RGPD3: variants seen among roughly 807,000 people sequenced by gnomAD.
The protein encoded by RGPD3 is RANBP2 like and GRIP domain containing 3.
A neutral mutation model predicts 154.5 loss-of-function variants in RGPD3; 62 were observed. That is an observed-to-expected ratio of 0.40 (90% CI 0.33 to 0.50). The LOEUF is 0.50. RGPD3 is among the 20% of genes least tolerant of loss of function. RGPD3 has a pLI of 0.59. For missense variants in RGPD3, 919 were observed against 1,716.8 expected (o/e 0.54, Z 8.21); for synonymous variants, 308 against 607.0 (o/e 0.51, Z 7.24).
rs1186986549 is a variant in RGPD3, at chr2:106,413,289, G to A, written c.5065-4C>T. 4 of 1,611,754 alleles carry A rather than the reference G, an allele frequency of 2.5e-6. No individual in the cohort carries two copies. Among genetic ancestry groups the A allele is most frequent in the Non-Finnish European group, 2.5e-6 (3 of 1,179,810 alleles). ...TTCTTATTTCACTTTTGAGAAGCTG[G>A]TGTTAGAGAAATGAGTTAAAAATGG... On this transcript the variant is annotated splice_region_variant and splice_polypyrimidine_tract_variant and intron_variant, in intron 21 of 22. Transcript: ENST00000409886.
chr2:106,422,553 T>C (rs1677029052), intron 20 of RGPD3, among the ~76,000 whole-genome samples: 1 of 152,000 alleles, frequency 6.6e-6, no homozygotes, highest in Admixed American at 6.6e-5. Context: ...GGCTCATTTT[T>C]GTATTTTCAG....
chr2:106,461,334 G>T (rs1343540485), intron 1 of RGPD3, among the ~76,000 whole-genome samples: 1 of 149,106 alleles, frequency 6.7e-6, no homozygotes, highest in African/African-American at 2.5e-5. Flanking sequence ...ATAAAATAAG[G>T]GTTACTTGAA....
chr2:106,420,306 A>G (rs1412744179), intron 20 of RGPD3, among the ~76,000 whole-genome samples: 1 of 150,408 alleles, frequency 6.6e-6, no homozygotes, highest in Non-Finnish European at 1.5e-5. Context: ...GCTGAAAACA[A>G]CCCATCCCCA....
chr2:106,408,871 A>T (rs1230227208), intron 22 of RGPD3, among the ~76,000 whole-genome samples: 1 of 151,356 alleles, frequency 6.6e-6, no homozygotes, highest in Non-Finnish European at 1.5e-5. Context: ...ATTTTTGTAG[A>T]CATAGGGTCT....
intron 17 of RGPD3, among the ~76,000 whole-genome samples, chr2:106,430,304 T>C (rs911278769): frequency 6.7e-6 from 1 of 150,236 alleles, no homozygotes. Context: ...AATACAAAAC[T>C]TAATTCATTA....
chr2:106,457,205 A>G (rs1558860113), intron 3 of RGPD3, 82 bp from the exon 4 acceptor site: 1 of 1,517,876 alleles, frequency 6.6e-7, no homozygotes, highest in Non-Finnish European at 8.8e-7. Context: ...ATACTTATAT[A>G]TAAAGGTTAA....
intron 1 of RGPD3, among the ~76,000 whole-genome samples, chr2:106,463,318 T>C (rs1407092130): frequency 3.3e-5 from 5 of 152,186 alleles, no homozygotes; most frequent in African/African-American, 1.2e-4. Context: ...CTACTAAAAA[T>C]AGAAAAAATT....
Position 106,423,791 on chromosome 2 carries a change from G to T in RGPD3, c.4176C>A (p.His1392Gln), listed in dbSNP as rs540818706. Residue 1392 changes from histidine (H) to glutamine (Q), a missense_variant, in exon 20 of 23, where the codon CAC becomes CAA. Physicochemically the swap from His to Gln is conservative, Grantham distance 24. Coordinates refer to ENST00000409886, the MANE Select transcript of RGPD3 (RefSeq NM_001144013.2). ...GGTCCCTTCTCATCAGTATACGAACGTGCTTATTATCATAATTCTGTAAAA... is the reference window on the plus strand; with the variant it reads ...GGTCCCTTCTCATCAGTATACGAACTTGCTTATTATCATAATTCTGTAAAA... ...IKILQNYDNK[H>Q]VRILMRRDQV... 42 of 1,611,894 alleles carry T rather than the reference G, an allele frequency of 2.6e-5. 1 individual carries two copies. Among genetic ancestry groups the T allele is most frequent in the East Asian group, 8.9e-5 (4 of 44,874 alleles).
rs1326153826 is a variant in RGPD3, at chr2:106,432,414, C to T, written c.2469+521G>A. Among the ~76,000 whole-genome samples the T allele has an allele frequency of 5.1e-4, 75 of 146,820 alleles. 9 individuals carry two copies. Among genetic ancestry groups the T allele is most frequent in the East Asian group, 2.4e-3 (12 of 4,920 alleles). ...GTTGCAGTGAGCCAAGATTGCACCA[C>T]TGCACTCCAGCCTGGGCAACAGAGC... On this transcript the variant is annotated intron_variant, in intron 17 of 22. Transcript: ENST00000409886.
rs370625902 is a variant in RGPD3 at position 106,449,740 on chromosome 2, G to A, written c.783-2127C>T. 1.1e-4 allele frequency among the ~76,000 whole-genome samples: 16 copies of A among 151,616 alleles called. No homozygotes were observed. The East Asian group carries it at 1.2e-3, about 11-fold the overall frequency. ...AGAGGTCAAGAGATCGAGACCAGCC[G>A]GGCGCGGTGGCTCATGCCTGTAATC... On this transcript the variant is annotated intron_variant, in intron 6 of 22. Transcript: ENST00000409886.
Position 106,438,800 on chromosome 2 carries a change from C to CA in RGPD3, c.1276+167dup, listed in dbSNP as rs1373129017. Among the ~76,000 whole-genome samples, 13 of 133,620 alleles carry CA rather than the reference C, an allele frequency of 9.7e-5. No homozygotes were observed. In the East Asian group the frequency reaches 2.8e-3, roughly 28 times the overall value. The allele number at this position is 133,620 out of a possible 152,430, so 87.7% of individuals were successfully genotyped here. A position where few individuals can be genotyped will look rare whatever the true frequency, so the allele number is the denominator to read the frequency against. On this transcript the variant is annotated intron_variant, in intron 9 of 22. Coordinates refer to ENST00000409886, the MANE Select transcript of RGPD3 (RefSeq NM_001144013.2). The stretch of plus-strand genomic sequence containing the variant: ...TTGGTCTCAAAAACAACAACAACAA[C>CA]AAAAAATACATGCCACCCCCACAGC...
At chr2:106,417,741 A>C (rs1676861134) in intron 20 of RGPD3, among the ~76,000 whole-genome samples, 1 of 150,962 alleles carries the variant, frequency 6.6e-6, no homozygotes, top group South Asian at 2.1e-4. Flanking sequence ...ACAGAGGTAC[A>C]CAAAATGAAA....
Position 106,413,294 on chromosome 2 carries a change from A to C in RGPD3, c.5065-9T>G. The C allele has an allele frequency of 3.1e-6, 5 of 1,611,762 alleles. No homozygotes were observed. Among genetic ancestry groups the C allele is most frequent in the Non-Finnish European group, 4.2e-6 (5 of 1,179,792 alleles). On this transcript the variant is annotated splice_polypyrimidine_tract_variant and intron_variant, in intron 21 of 22. Coordinates refer to ENST00000409886, the MANE Select transcript of RGPD3 (RefSeq NM_001144013.2). Reference sequence around the variant, plus strand: ...ATTTCACTTTTGAGAAGCTGGTGTTAGAGAAATGAGTTAAAAATGGGCTTT... The same window carrying C: ...ATTTCACTTTTGAGAAGCTGGTGTTCGAGAAATGAGTTAAAAATGGGCTTT...
At position 106,457,023 on chromosome 2, in the gene RGPD3, A is replaced by C; in HGVS notation, c.353T>G (p.Val118Gly). The C allele has an allele frequency of 6.2e-7, 1 of 1,611,522 alleles. No individual in the cohort carries two copies. ...TGGGAAAAGTTTTGCTGCTCTTTCC[A>C]CCCAGTATTCTGCTCTTCCATCAGT... is the stretch of plus-strand genomic sequence containing the variant. ...DVTDGRAEYW[V>G]ERAAKLFPGS... The change falls in exon 4 of 23, where the codon GTG (valine) becomes GGG (glycine). Residue 118 changes from valine (V) to glycine (G), a missense_variant. By Grantham distance (109) the Val-to-Gly change is moderately radical. Coordinates refer to ENST00000409886, the MANE Select transcript of RGPD3 (RefSeq NM_001144013.2).
chr2:106,469,958 A>T (rs1678772334), upstream of RGPD3, among the ~76,000 whole-genome samples: 1 of 152,214 alleles, frequency 6.6e-6, no homozygotes, highest in African/African-American at 2.4e-5. Flanking sequence ...CCACCTTTTC[A>T]TCCTTTCTCC....
chr2:106,418,414 C>A (rs1324853478), intron 20 of RGPD3, among the ~76,000 whole-genome samples: 1 of 151,564 alleles, frequency 6.6e-6, no homozygotes, highest in South Asian at 2.1e-4. Context: ...TGGTAGACAT[C>A]CTCAATCACT....
intron 7 of RGPD3, among the ~76,000 whole-genome samples, chr2:106,445,283 C>T (rs1168319326): frequency 9.4e-4 from 141 of 149,864 alleles, no homozygotes; most frequent in African/African-American, 3.2e-3. Flanking sequence ...AGTGAGACTC[C>T]GTCTCAAAAA....
chr2:106,463,702 G>A (rs1240895402), intron 1 of RGPD3, among the ~76,000 whole-genome samples: 2 of 151,484 alleles, frequency 1.3e-5, no homozygotes, highest in Admixed American at 1.3e-4. Flanking sequence ...TGGAGAAGTC[G>A]GTTAGTAAGG....
chr2:106,441,600 C>T (rs1304768333), intron 7 of RGPD3, among the ~76,000 whole-genome samples: 3 of 151,234 alleles, frequency 2.0e-5, no homozygotes, highest in African/African-American at 7.3e-5. Flanking sequence ...CCTGTAATCC[C>T]AACACTCTGT....
Sources: gnomAD v4.1 joint callset for allele counts (sites outside exome capture counted in the v4.1 genomes callset) on GRCh38, gnomAD v4.1.1 for gene constraint, MANE v1.5 for transcripts, NCBI Gene and HGNC (gene_info 2026-07-23, HGNC 2026-07-21) for gene names.